EYS: variants seen among roughly 807,000 people sequenced by gnomAD.
EYS encodes EGF-like photoreceptor maintenance factor.
EYS carries 250 observed loss-of-function variants against 282.1 expected under a neutral mutation model. The ratio of observed to expected loss-of-function variants is 0.89; its 90% CI spans 0.80 to 0.98. The LOEUF (loss-of-function observed/expected upper bound fraction) is 0.98, where lower values mean the gene tolerates loss of function less well. EYS is among the 50% of genes least tolerant of loss of function. EYS has a pLI of 0.00. For synonymous variants in EYS, 1,355 were observed against 1,282.9 expected (o/e 1.06, Z -1.20); for missense variants, 4,016 against 3,709.0 (o/e 1.08, Z -2.15).
At chr6:64,560,963 C>A (rs544600645) in intron 26 of EYS, among the ~76,000 whole-genome samples, 97 of 152,250 alleles carry the variant, frequency 6.4e-4, no homozygotes, top group African/African-American at 2.3e-3. Context: ...AAAACCAAAT[C>A]TAGCAGCACA....
intron 35 of EYS, among the ~76,000 whole-genome samples, chr6:63,885,802 C>T (rs1028069685): frequency 6.6e-6 from 1 of 152,052 alleles, no homozygotes; most frequent in African/African-American, 2.4e-5. Context: ...TGACCCAATT[C>T]GGGACTAAAA....
At chr6:63,821,854 G>T (rs968021414) in intron 36 of EYS, 2 of 152,122 alleles carry the variant, frequency 1.3e-5, no homozygotes, top group African/African-American at 4.8e-5. Context: ...CCAGCCATGG[G>T]GTCTCCAAAG....
chr6:64,577,360 C>G (rs765568128), intron 26 of EYS, among the ~76,000 whole-genome samples: 2 of 151,964 alleles, frequency 1.3e-5, no homozygotes, highest in Non-Finnish European at 2.9e-5. Context: ...CATCCACCAT[C>G]CTCTTTAAAT....
chr6:64,136,735 T>A (rs1282755454), intron 31 of EYS, among the ~76,000 whole-genome samples: 1 of 152,102 alleles, frequency 6.6e-6, no homozygotes, highest in Non-Finnish European at 1.5e-5. Context: ...AAAATAGTCA[T>A]TAAAGCATGT....
chr6:64,652,228 C>T (rs771324584), intron 22 of EYS, among the ~76,000 whole-genome samples: 6 of 152,148 alleles, frequency 3.9e-5, no homozygotes, highest in Non-Finnish European at 5.9e-5. Flanking sequence ...TGAAATGTCA[C>T]TTTGTGATCA....
intron 12 of EYS, among the ~76,000 whole-genome samples, chr6:65,231,040 CAAAATT>C (rs1766758147): frequency 9.3e-6 from 1 of 107,004 alleles, no homozygotes. Flanking sequence ...ACTTGTACCC[CAAAATT>C]AAAAGTATAT....
intron 19 of EYS, among the ~76,000 whole-genome samples, chr6:64,867,570 C>A (rs896178626): frequency 2.0e-5 from 3 of 151,672 alleles, no homozygotes; most frequent in Admixed American, 6.6e-5. Context: ...TCAATGAAAT[C>A]TGAGTTCTCT....
intron 35 of EYS, among the ~76,000 whole-genome samples, chr6:63,908,018 A>G (rs1773821886): frequency 9.8e-6 from 1 of 102,268 alleles, no homozygotes; most frequent in Non-Finnish European, 1.9e-5. Flanking sequence ...AAACGTATAT[A>G]TATATATATA....
At chr6:64,532,431 C>T (rs1388971774) in intron 26 of EYS, among the ~76,000 whole-genome samples, 4 of 152,132 alleles carry the variant, frequency 2.6e-5, no homozygotes, top group South Asian at 4.1e-4. Flanking sequence ...TATTCTAGGC[C>T]GGGCGCGGTG....
At chr6:63,796,069 T>G (rs1323208185) in intron 37 of EYS, among the ~76,000 whole-genome samples, 1 of 152,122 alleles carries the variant, frequency 6.6e-6, no homozygotes, top group Non-Finnish European at 1.5e-5. Flanking sequence ...AAAGGAAGCA[T>G]AAAACTCATT....
intron 31 of EYS, among the ~76,000 whole-genome samples, chr6:64,174,887 C>A (rs559249581): frequency 1.3e-5 from 2 of 151,932 alleles, no homozygotes; most frequent in Non-Finnish European, 2.9e-5. Flanking sequence ...ATCACATAAT[C>A]ATGAGTTAAT....
chr6:65,073,826 C>T (rs1773969427), intron 12 of EYS, among the ~76,000 whole-genome samples: 1 of 151,854 alleles, frequency 6.6e-6, no homozygotes. Context: ...GTAATGAATA[C>T]ATTGATCTGT....
At chr6:64,212,306 T>C (rs1765803660) in intron 31 of EYS, among the ~76,000 whole-genome samples, 1 of 151,938 alleles carries the variant, frequency 6.6e-6, no homozygotes, top group South Asian at 2.1e-4. Context: ...GAATAAAAGA[T>C]AGATGACAAG....
chr6:65,092,452 T>C (rs1177905085), intron 12 of EYS, among the ~76,000 whole-genome samples: 1 of 152,176 alleles, frequency 6.6e-6, no homozygotes, highest in African/African-American at 2.4e-5. Flanking sequence ...ATCATAGAAG[T>C]ATATGACTAT....
intron 14 of EYS, among the ~76,000 whole-genome samples, chr6:64,973,272 C>T (rs76763805): frequency 1.3e-5 from 2 of 152,028 alleles, no homozygotes; most frequent in East Asian, 3.9e-4. Flanking sequence ...TACTGACTAC[C>T]CTTCTATGTA....
chr6:64,244,487 G>T (rs1766942272), intron 30 of EYS, among the ~76,000 whole-genome samples: 3 of 152,124 alleles, frequency 2.0e-5, no homozygotes, highest in Admixed American at 2.0e-4. Flanking sequence ...TTGAGATAAA[G>T]AATCGTTTTT....
At chr6:65,427,515 AAC>A (rs1767706103) in intron 5 of EYS, among the ~76,000 whole-genome samples, 1 of 152,092 alleles carries the variant, frequency 6.6e-6, no homozygotes, top group Admixed American at 6.5e-5. Context: ...TGTAATTATA[AAC>A]ACATATTTTA....
At chr6:65,349,554 G>C (rs1343613650) in intron 9 of EYS, among the ~76,000 whole-genome samples, 2 of 151,484 alleles carry the variant, frequency 1.3e-5, no homozygotes, top group African/African-American at 4.8e-5. Context: ...ATAAGGTTAT[G>C]ATTATGTATG....
chr6:65,339,641 G>C (rs1770124273), intron 10 of EYS, among the ~76,000 whole-genome samples: 1 of 151,134 alleles, frequency 6.6e-6, no homozygotes, highest in South Asian at 2.1e-4. Context: ...GCAGGTAAGA[G>C]GGAAGACTGT....
Sources: allele counts gnomAD v4.1 joint callset (sites outside exome capture counted in the v4.1 genomes callset), GRCh38; gene constraint gnomAD v4.1.1; transcripts MANE v1.5; gene names NCBI Gene and HGNC (gene_info 2026-07-23, HGNC 2026-07-21).